ZC3H15: variants seen among roughly 807,000 people sequenced by gnomAD.
The protein encoded by ZC3H15 is zinc finger CCCH-type containing 15, also known as zinc finger CCCH domain-containing protein 15.
A neutral mutation model predicts 51.2 loss-of-function variants in ZC3H15; 15 were observed. The observed-to-expected ratio is 0.29, with a 90% CI of 0.20 to 0.45. The LOEUF is 0.45. Ranked by LOEUF, ZC3H15 falls within the 20% of genes least tolerant of loss-of-function variation. ZC3H15 has a pLI of 1.00. For synonymous variants in ZC3H15, 144 were observed against 162.8 expected, an observed-to-expected ratio of 0.88 and a Z score of 0.88; for missense variants, 381 against 494.7, an observed-to-expected ratio of 0.77 and a Z score of 2.18.
Position 186,505,829 on chromosome 2 carries a change from A to G in ZC3H15, c.954A>G (p.Thr318=), listed in dbSNP as rs1685457906. The change falls in exon 8 of 10, where the codon ACA becomes ACG. Residue 318 remains threonine, a synonymous_variant. Transcript: ENST00000337859. ...EADDTRYTQG[T]GGDEVDDSVS... ...ATGATACCCGCTACACCCAGGGAAC[A>G]GGTGGTGATGAGGTAAGAGGAAGCT... 2 of 1,613,798 alleles carry G rather than the reference A, an allele frequency of 1.2e-6. No homozygotes were observed. Among genetic ancestry groups the G allele is most frequent in the Admixed American group, 1.7e-5 (1 of 59,960 alleles).
At chr2:186,499,752 G>GT (rs1685346759) in intron 2 of ZC3H15, 1 of 356,460 alleles carries the variant, frequency 2.8e-6, no homozygotes, top group Non-Finnish European at 5.4e-6. Flanking sequence ...CTAACCCAGT[G>GT]TTTTTCCATG....
At position 186,508,632 on chromosome 2, in the gene ZC3H15, A is replaced by G. The variant is rs750352866; in HGVS notation, c.1180A>G (p.Asn394Asp). The stretch of plus-strand genomic sequence containing the variant: ...GGACAACGAGAGGGAGGGAACGGAA[A>G]ATGGAGCCATTGATGCTGTTCCTGT... ...EEDNEREGTE[N>D]GAIDAVPVDE... Residue 394 changes from asparagine (N) to aspartate (D), a missense_variant, in exon 10 of 10, where the codon AAT becomes GAT. By Grantham distance (23) the Asn-to-Asp change is conservative. Transcript: ENST00000337859. 5.2e-5 allele frequency: 84 copies of G among 1,614,000 alleles called. No individual in the cohort carries two copies. The East Asian group carries it at 1.8e-3, about 35-fold the overall frequency.
At chr2:186,494,589 G>A (rs1221689050) in intron 1 of ZC3H15, among the ~76,000 whole-genome samples, 1 of 152,262 alleles carries the variant, frequency 6.6e-6, no homozygotes, top group Middle Eastern at 3.4e-3. Flanking sequence ...TTTCCTAAAT[G>A]TATTTAACTA....
rs1210529200 is a variant in ZC3H15 at position 186,505,830 on chromosome 2, G to A, written c.955G>A (p.Gly319Ser). The change falls in exon 8 of 10, where the codon GGT (glycine) becomes AGT (serine). Residue 319 changes from glycine (G) to serine (S), a missense_variant. Coordinates refer to ENST00000337859, the MANE Select transcript of ZC3H15 (RefSeq NM_018471.3). ...TGATACCCGCTACACCCAGGGAACA[G>A]GTGGTGATGAGGTAAGAGGAAGCTT... The part of the protein sequence containing the change: ...ADDTRYTQGT[G>S]GDEVDDSVSV... 1.2e-6 allele frequency: 2 copies of A among 1,613,864 alleles called. No homozygotes were observed. Among genetic ancestry groups the A allele is most frequent in the Admixed American group, 1.7e-5 (1 of 59,960 alleles).
At chr2:186,495,883 T>C (rs542138335) in intron 2 of ZC3H15, among the ~76,000 whole-genome samples, 1 of 152,238 alleles carries the variant, frequency 6.6e-6, no homozygotes, top group Non-Finnish European at 1.5e-5. Context: ...ATTGTTACAT[T>C]GTTTCCCTCG....
At chr2:186,496,489 A>G (rs1205702989) in intron 2 of ZC3H15, among the ~76,000 whole-genome samples, 7 of 152,352 alleles carry the variant, frequency 4.6e-5, no homozygotes, top group Admixed American at 4.6e-4. Flanking sequence ...CACGTGAGCC[A>G]CCATGCCCAG....
At chr2:186,495,721 G>A (rs761611020) in intron 2 of ZC3H15, among the ~76,000 whole-genome samples, 1 of 152,150 alleles carries the variant, frequency 6.6e-6, no homozygotes, top group Non-Finnish European at 1.5e-5. Flanking sequence ...CCAGATCAAG[G>A]GAAATGGATT....
chr2:186,503,776 G>T (rs1334537925), intron 5 of ZC3H15, among the ~76,000 whole-genome samples: 1 of 152,182 alleles, frequency 6.6e-6, no homozygotes, highest in African/African-American at 2.4e-5. Flanking sequence ...GTATGATTTA[G>T]AATTTAGAAC....
chr2:186,502,900 C>G (rs1423626788), intron 5 of ZC3H15, among the ~76,000 whole-genome samples: 1 of 151,982 alleles, frequency 6.6e-6, no homozygotes, highest in African/African-American at 2.4e-5. Context: ...TTTTTTTGCA[C>G]AGAGTGGAAG....
At chr2:186,506,253 C>T (rs1372150647) in intron 8 of ZC3H15, among the ~76,000 whole-genome samples, 1 of 151,848 alleles carries the variant, frequency 6.6e-6, no homozygotes, top group African/African-American at 2.4e-5. Context: ...GACAATAGCA[C>T]AGTCATTTGG....
intron 2 of ZC3H15, among the ~76,000 whole-genome samples, chr2:186,496,460 C>G (rs891795280): frequency 1.3e-5 from 2 of 152,196 alleles, no homozygotes; most frequent in African/African-American, 4.8e-5. Context: ...CCTTGGCCTC[C>G]CAAAGTGCTA....
Position 186,500,196 on chromosome 2 carries a change from A to C in ZC3H15, c.192A>C (p.Glu64Asp). ...GAATATTATAGGTAGCACAGAGTGAAGCTGAAAAGAAATTGAAGAAGGATG... is the reference window on the plus strand; with the variant it reads ...GAATATTATAGGTAGCACAGAGTGACGCTGAAAAGAAATTGAAGAAGGATG... ...QQNPRQVAQSEAEKKLKKDDK... is the reference protein window; with the variant it reads ...QQNPRQVAQSDAEKKLKKDDK... The change falls in exon 3 of 10, where the codon GAA becomes GAC. Residue 64 changes from glutamate (E) to aspartate (D), a missense_variant. Physicochemically the swap from Glu to Asp is conservative, Grantham distance 45. Around this residue, in one of 3 missense-constraint regions of ZC3H15, gnomAD observed 125 missense variants for 166.3 expected, o/e 0.75. Coordinates refer to ENST00000337859, the MANE Select transcript of ZC3H15 (RefSeq NM_018471.3). The C allele has an allele frequency of 1.2e-6, 2 of 1,613,196 alleles. No homozygotes were observed. The highest frequency in any genetic ancestry group is 1.1e-5 in the South Asian group (1 of 90,800).
chr2:186,499,411 T>A (rs1685340622), intron 2 of ZC3H15, among the ~76,000 whole-genome samples: 1 of 152,230 alleles, frequency 6.6e-6, no homozygotes, highest in Non-Finnish European at 1.5e-5. Context: ...GCTGGCTCTT[T>A]CTGTATTTCT....
rs747771603 is a variant in ZC3H15 at position 186,508,773 on chromosome 2, C to G, written c.*40C>G. On this transcript the variant is annotated 3_prime_UTR_variant, in exon 10 of 10. Transcript: ENST00000337859. ...CTGAAAAAATTAAGTCAGCTCAGCA[C>G]GAGTTGAAATTGACTACATTAATTT... 1 of 1,586,230 alleles carries G rather than the reference C, an allele frequency of 6.3e-7. No individual in the cohort carries two copies. The highest frequency in any genetic ancestry group is 8.6e-7 in the Non-Finnish European group (1 of 1,157,854).
At chr2:186,494,246 G>C (rs1685246479) in intron 1 of ZC3H15, among the ~76,000 whole-genome samples, 2 of 151,950 alleles carry the variant, frequency 1.3e-5, no homozygotes, top group South Asian at 4.2e-4. Flanking sequence ...AGAAAATGTT[G>C]CTTTTAATTT....
Position 186,508,983 on chromosome 2 carries a change from G to GT in ZC3H15, c.*251dup. The GT allele has an allele frequency of 1.7e-6, 1 of 587,732 alleles. No homozygotes were observed. The allele number at this position is 587,732 out of a possible 1,614,324, so 36.4% of individuals were successfully genotyped here. On this transcript the variant is annotated 3_prime_UTR_variant, in exon 10 of 10. Transcript: ENST00000337859. ...GTCATTGCAGAAAATGATTGATGTTGTAACTGTCCACCCAAGTAAGAAGTG... is the reference window on the plus strand; with the variant it reads ...GTCATTGCAGAAAATGATTGATGTTGTTAACTGTCCACCCAAGTAAGAAGTG...
chr2:186,500,430 A>G (rs1214225699), intron 3 of ZC3H15, 137 bp downstream of exon 3: 18 of 771,568 alleles, frequency 2.3e-5, no homozygotes, highest in Non-Finnish European at 3.6e-5. Flanking sequence ...AAAATTACCT[A>G]TGTCAGTGGG....
chr2:186,507,525 A>C, intron 9 of ZC3H15: 1 of 455,704 alleles, frequency 2.2e-6, no homozygotes, highest in South Asian at 1.6e-5. Flanking sequence ...GCAATACATG[A>C]AAGTATAAAT....
At chr2:186,506,891 G>C in intron 9 of ZC3H15, 55 bp downstream of exon 9, 1 of 1,559,146 alleles carries the variant, frequency 6.4e-7, no homozygotes, top group Non-Finnish European at 8.7e-7. Flanking sequence ...TCTAAAGGGG[G>C]TTATACCAGG....
Sources: allele counts gnomAD v4.1 joint callset (sites outside exome capture counted in the v4.1 genomes callset), GRCh38; gene constraint gnomAD v4.1.1; regional missense constraint gnomAD v4.1.1; transcripts MANE v1.5; gene names NCBI Gene and HGNC (gene_info 2026-07-23, HGNC 2026-07-21).